The following PEAK1 variants were observed in gnomAD, a reference collection of about 807,000 sequenced individuals.
PEAK1 encodes pseudopodium enriched atypical kinase 1.
In PEAK1, 54 loss-of-function variants were observed where a neutral mutation model predicts 124.7. The observed-to-expected ratio is 0.43, with a 90% CI of 0.35 to 0.54. The LOEUF is 0.54. Ranked by LOEUF, PEAK1 falls within the 20% of genes least tolerant of loss-of-function variation. The pLI is 0.01. For synonymous variants in PEAK1, 719 were observed against 760.0 expected, an observed-to-expected ratio of 0.95 and a Z score of 0.89; for missense variants, 2,046 against 2,134.5, an observed-to-expected ratio of 0.96 and a Z score of 0.82.
chr15:77,372,158 ACAAG>A, intron 1 of PEAK1, among the ~76,000 whole-genome samples: 1 of 152,366 alleles, frequency 6.6e-6, no homozygotes, highest in East Asian at 1.9e-4. Context: ...CCCTAATTAC[ACAAG>A]TATAAGAAGA....
In PEAK1 at chr15:77,245,234, C is replaced by A. The variant is rs76486512; in HGVS notation, c.-115+7133G>T. Among the ~76,000 whole-genome samples the A allele has an allele frequency of 3.5e-3, 534 of 152,054 alleles. 2 individuals are homozygous for A. Among genetic ancestry groups the A allele is most frequent in the Non-Finnish European group, 4.0e-3 (269 of 67,964 alleles). ...CCTGGGCATGGTGGCACATGCCTGCCATCCCAGCTACTTTGGAGGCTGAGG... is the reference window on the plus strand; with the variant it reads ...CCTGGGCATGGTGGCACATGCCTGCAATCCCAGCTACTTTGGAGGCTGAGG... On this transcript the variant is annotated intron_variant, in intron 6 of 9. Transcript: ENST00000682557.
chr15:77,386,969 T>C (rs1034886049), intron 1 of PEAK1, among the ~76,000 whole-genome samples: 3 of 151,556 alleles, frequency 2.0e-5, no homozygotes, highest in African/African-American at 7.3e-5. Context: ...TGTGTATCCA[T>C]AGTAAAAAAA....
intron 1 of PEAK1, chr15:77,404,119 A>G (rs1400895072): frequency 1.0e-6 from 1 of 985,104 alleles, no homozygotes; most frequent in African/African-American, 1.7e-5. Context: ...AGACAACTAC[A>G]AATTTAACAC....
intron 2 of PEAK1, among the ~76,000 whole-genome samples, chr15:77,294,425 C>T (rs923387018): frequency 2.6e-4 from 39 of 152,110 alleles, no homozygotes; most frequent in Admixed American, 2.5e-3. Context: ...CATTTTACTG[C>T]TCTCTGTAAA....
At chr15:77,206,597 ATG>A (rs1396499182) in intron 6 of PEAK1, among the ~76,000 whole-genome samples, 1 of 151,472 alleles carries the variant, frequency 6.6e-6, no homozygotes, top group Non-Finnish European at 1.5e-5. Context: ...GCATTTTTTC[ATG>A]TGTTTTTTGG....
At chr15:77,177,611 G>C (rs1040424354) in intron 7 of PEAK1, among the ~76,000 whole-genome samples, 1 of 151,968 alleles carries the variant, frequency 6.6e-6, no homozygotes, top group African/African-American at 2.4e-5. Flanking sequence ...AAGAAGGGCA[G>C]GCCCTTCTTT....
At chr15:77,277,637 T>G (rs912206464) in intron 5 of PEAK1, among the ~76,000 whole-genome samples, 7 of 152,262 alleles carry the variant, frequency 4.6e-5, no homozygotes, top group African/African-American at 1.7e-4. Context: ...TGTGAATTAT[T>G]TAAGAGCTCA....
At chr15:77,327,234 T>C (rs2153026878) in intron 2 of PEAK1, among the ~76,000 whole-genome samples, 1 of 152,242 alleles carries the variant, frequency 6.6e-6, no homozygotes, top group Admixed American at 6.5e-5. Flanking sequence ...TATATTAATG[T>C]TTTAATAACT....
intron 2 of PEAK1, among the ~76,000 whole-genome samples, chr15:77,363,325 C>G (rs2068020247): frequency 6.6e-6 from 1 of 152,196 alleles, no homozygotes; most frequent in Non-Finnish European, 1.5e-5. Context: ...TTTACCGTAT[C>G]TACATTAGTA....
chr15:77,235,871 G>A (rs2060098921), intron 6 of PEAK1, among the ~76,000 whole-genome samples: 1 of 152,236 alleles, frequency 6.6e-6, no homozygotes, highest in South Asian at 2.1e-4. Flanking sequence ...GGCTAAAAAG[G>A]GCCAAAGTAT....
chr15:77,182,380 T>C (rs1162412560), intron 6 of PEAK1, among the ~76,000 whole-genome samples: 1 of 152,120 alleles, frequency 6.6e-6, no homozygotes, highest in Non-Finnish European at 1.5e-5. Context: ...CAGCCCATTA[T>C]AGATTCCTCT....
chr15:77,196,674 G>A (rs1265973789), intron 6 of PEAK1, among the ~76,000 whole-genome samples: 1 of 152,192 alleles, frequency 6.6e-6, no homozygotes, highest in Middle Eastern at 3.4e-3. Context: ...TTTTCCCCCA[G>A]ATAATAGCAA....
At chr15:77,399,607 C>T (rs952979407) in intron 1 of PEAK1, among the ~76,000 whole-genome samples, 1 of 152,076 alleles carries the variant, frequency 6.6e-6, no homozygotes, top group Non-Finnish European at 1.5e-5. Flanking sequence ...ACTGGCTATC[C>T]ATAGGCAGAA....
intron 6 of PEAK1, among the ~76,000 whole-genome samples, chr15:77,183,977 G>A (rs933196882): frequency 6.6e-5 from 10 of 151,932 alleles, no homozygotes; most frequent in African/African-American, 2.4e-4. Flanking sequence ...ATGGGCACAT[G>A]CCACTATGCC....
intron 6 of PEAK1, among the ~76,000 whole-genome samples, chr15:77,234,704 T>C (rs549982377): frequency 1.3e-5 from 2 of 152,184 alleles, no homozygotes; most frequent in East Asian, 3.9e-4. Context: ...TGTAAGATCA[T>C]AGCTCACTGC....
At chr15:77,117,303 C>A (rs2051477319) in intron 9 of PEAK1, among the ~76,000 whole-genome samples, 1 of 152,160 alleles carries the variant, frequency 6.6e-6, no homozygotes, top group South Asian at 2.1e-4. Flanking sequence ...TAACCTTGAG[C>A]ATTTCACTAA....
At chr15:77,369,649 T>C (rs1399206384) in intron 1 of PEAK1, among the ~76,000 whole-genome samples, 1 of 150,968 alleles carries the variant, frequency 6.6e-6, no homozygotes, top group Non-Finnish European at 1.5e-5. Flanking sequence ...AGGGGATCTT[T>C]ACAGAGGTCT....
rs143168568 is a variant in PEAK1 at position 77,203,671 on chromosome 15, T to C, written c.-114-21631A>G. ...CAAAGGAAATTCAGTGGAGAAAGCA[T>C]AGCCTTTTTCACAAATGGTACTGAA... On this transcript the variant is annotated intron_variant, in intron 6 of 9. Transcript: ENST00000682557. Among the ~76,000 whole-genome samples, 566 of 149,270 alleles carry C rather than the reference T, an allele frequency of 3.8e-3. 6 individuals are homozygous for C. The highest frequency in any genetic ancestry group is 0.013 in the African/African-American group (516 of 40,516).
intron 3 of PEAK1, 51 bp downstream of exon 3, chr15:77,286,372 G>T: frequency 1.0e-6 from 1 of 984,572 alleles, no homozygotes; most frequent in Non-Finnish European, 1.3e-6. Flanking sequence ...TAATAAAAGA[G>T]ATTTAAGACC....
Sources: gnomAD v4.1 joint callset for allele counts (sites outside exome capture counted in the v4.1 genomes callset) on GRCh38, gnomAD v4.1.1 for gene constraint, MANE v1.5 for transcripts, NCBI Gene and HGNC (gene_info 2026-07-23, HGNC 2026-07-21) for gene names.